CRIP2: variants seen among roughly 807,000 people sequenced by gnomAD.
CRIP2 encodes cysteine rich protein 2.
Under a neutral mutation model 31.3 loss-of-function variants are expected in CRIP2, and 31 were observed. That is an observed-to-expected ratio of 0.99 (90% confidence interval 0.74 to 1.34). CRIP2 has a LOEUF of 1.34. Among genes scored for constraint, CRIP2 ranks in the 40% most tolerant of loss-of-function variants. CRIP2 has a pLI of 0.00. For synonymous variants in CRIP2, 177 were observed against 127.2 expected (o/e 1.39, Z -2.63); for missense variants, 389 against 301.6 (o/e 1.29, Z -2.15).
chr14:105,479,088 C>G (rs782416073), intron 5 of CRIP2, 37 bp from the exon 6 acceptor site: 1 of 1,596,772 alleles, frequency 6.3e-7, no homozygotes, highest in Non-Finnish European at 8.5e-7. Context: ...CCCCCGCCCC[C>G]GCCCCGGGGC....
chr14:105,473,360 T>A, upstream of CRIP2: 1 of 1,535,252 alleles, frequency 6.5e-7, no homozygotes, highest in South Asian at 1.2e-5. Context: ...TGGCCTGCTG[T>A]CACCATGGAA....
intron 1 of CRIP2, chr14:105,477,666 G>GTGTGTGTGGGGA (rs1555436096): frequency 2.1e-5 from 13 of 624,402 alleles, no homozygotes; most frequent in Non-Finnish European, 2.2e-5. Context: ...TGTGTGGGGG[G>GTGTGTGTGGGGA]AGGCAGGTGT....
At chr14:105,473,418 CAG>C, upstream of CRIP2, 1 of 1,535,702 alleles carries the variant, frequency 6.5e-7, no homozygotes, top group Non-Finnish European at 8.7e-7. Context: ...GGTGCTGCCA[CAG>C]AGAGCCCAGC....
intron 6 of CRIP2, 65 bp downstream of exon 6, chr14:105,479,284 G>C: frequency 3.3e-6 from 5 of 1,524,700 alleles, no homozygotes; most frequent in Non-Finnish European, 3.6e-6. Flanking sequence ...ATGAGGGTGA[G>C]AGGCGCGCCT....
chr14:105,479,071 ACCCCCGCCCCCG>A (rs781950464), intron 5 of CRIP2, 24 bp downstream of exon 5: 12 of 1,519,440 alleles, frequency 7.9e-6, no homozygotes, highest in South Asian at 4.7e-5. Flanking sequence ...CGGGCCCCGG[ACCCCCGCCCCCG>A]CCCCCGCCCC....
At chr14:105,476,867 A>G in intron 1 of CRIP2, 1 of 706,548 alleles carries the variant, frequency 1.4e-6, no homozygotes, top group Non-Finnish European at 1.7e-6. Flanking sequence ...TACCAGGGCC[A>G]CGGAGAGCCA....
upstream of CRIP2, chr14:105,473,304 G>A (rs781891130): frequency 1.8e-4 from 272 of 1,529,810 alleles, no homozygotes; most frequent in Admixed American, 5.9e-4. Context: ...CAGAGGGGGA[G>A]CTGGTCAGGC....
At chr14:105,479,354 G>A in intron 6 of CRIP2, 82 bp from the exon 7 acceptor site, 2 of 1,588,918 alleles carry the variant, frequency 1.3e-6, no homozygotes, top group Non-Finnish European at 8.6e-7. Flanking sequence ...ACGGCGAGCC[G>A]GCCTGCACGT....
chr14:105,477,119 T>TC (rs1367085949), intron 1 of CRIP2: 1 of 316,634 alleles, frequency 3.2e-6, no homozygotes, highest in Non-Finnish European at 4.6e-6. Context: ...GCATGCTCCC[T>TC]CCCCCCAGGG....
In CRIP2 at chr14:105,478,353, A is replaced by G; in HGVS notation, c.131A>G (p.His44Arg). ...RCSKTLTPGG[H>R]AEHDGKPFCH... ...AGCAAGACGCTGACGCCCGGGGGCC[A>G]CGCCGAGGTGAGCCCCACTGCGCGG... The change falls in exon 2 of 8, where the codon CAC (histidine) becomes CGC (arginine). Residue 44 changes from histidine (H) to arginine (R), a missense_variant. Transcript: ENST00000329146. The surrounding 1 kb of genome is among the most constrained non-coding windows in gnomAD (Gnocchi z 4.9). 6.4e-7 allele frequency: 1 copy of G among 1,563,852 alleles called. No individual in the cohort carries two copies. Among genetic ancestry groups the G allele is most frequent in the Non-Finnish European group, 8.6e-7 (1 of 1,158,184 alleles).
At position 105,479,650 on chromosome 14, in the gene CRIP2, C is replaced by G. The variant is rs782254966; in HGVS notation, c.624C>G (p.Pro208=). 12 of 1,611,880 alleles carry G rather than the reference C, an allele frequency of 7.4e-6. No individual in the cohort carries two copies. In the Admixed American group the frequency reaches 1.5e-4, roughly 20 times the overall value. ...GGGACCCCGAAGGCAAGGTCCAGCC[C>G]TAGGCTACAGCGGCTCTCATGATGT... The part of the protein sequence containing the change: ...YDRDPEGKVQ[P] Residue 208 remains proline (P), a synonymous_variant, in exon 8 of 8, where the codon CCC becomes CCG. Coordinates refer to ENST00000329146, the MANE Select transcript of CRIP2 (RefSeq NM_001312.4).
intron 1 of CRIP2, 130 bp downstream of exon 1, chr14:105,475,035 G>T: frequency 1.8e-6 from 2 of 1,106,920 alleles, no homozygotes; most frequent in Middle Eastern, 2.6e-4. Flanking sequence ...TGCGCGTCCC[G>T]GAGGCTGGCT....
At chr14:105,474,791 G>A, upstream of CRIP2, 6 of 1,222,518 alleles carry the variant, frequency 4.9e-6, no homozygotes, top group Non-Finnish European at 6.1e-6. This position sits in a 1 kb window ranked among gnomAD's most constrained non-coding sequence, Gnocchi z 5.1. Flanking sequence ...CCGGGCAGGC[G>A]GGGCTGGGCG....
chr14:105,474,741 G>T, upstream of CRIP2: 1 of 1,052,334 alleles, frequency 9.5e-7, no homozygotes, highest in Non-Finnish European at 1.1e-6. This position sits in a 1 kb window ranked among gnomAD's most constrained non-coding sequence, Gnocchi z 5.1. Context: ...GGGTTATCGA[G>T]GCCCCGCCCC....
chr14:105,476,804 T>G (rs1163946899), intron 1 of CRIP2: 5 of 978,982 alleles, frequency 5.1e-6, no homozygotes, highest in African/African-American at 3.5e-5. Context: ...TGGTGCAGCC[T>G]TGTGGTTGGG....
At chr14:105,476,990 G>T (rs782566755) in intron 1 of CRIP2, 5 of 180,820 alleles carry the variant, frequency 2.8e-5, no homozygotes, top group Admixed American at 6.5e-5. Flanking sequence ...GCCCCTCCCC[G>T]ATATCTGCCA....
rs782451196 is a variant in CRIP2, at chr14:105,479,124, G to C, written c.407-1G>C. Reference sequence around the variant, plus strand: ...TCGGCCTCACTCCTCCCCCTTTCCAGCTGAGAAGGTGACGTCTCTGGGCAA... The same window carrying C: ...TCGGCCTCACTCCTCCCCCTTTCCACCTGAGAAGGTGACGTCTCTGGGCAA... On this transcript the variant is annotated splice_acceptor_variant, in intron 5 of 7. Transcript: ENST00000329146. LOFTEE classifies it high-confidence loss of function. 1.2e-6 allele frequency: 2 copies of C among 1,611,486 alleles called. No individual in the cohort carries two copies. The highest frequency in any genetic ancestry group is 1.7e-6 in the Non-Finnish European group (2 of 1,179,364).
In CRIP2 at chr14:105,478,805, A is replaced by G; in HGVS notation, c.271A>G (p.Ile91Val). ...GGAGGGGCCGCAGGTCACCGGCCCCATCGAGGTCCCCGCGGCCCGAGCAGA... is the reference window on the plus strand; with the variant it reads ...GGAGGGGCCGCAGGTCACCGGCCCCGTCGAGGTCCCCGCGGCCCGAGCAGA... ...LAEGPQVTGP[I>V]EVPAARAEER... is the part of the protein sequence containing the mutation. Residue 91 changes from isoleucine (I) to valine (V), a missense_variant, in exon 4 of 8, where the codon ATC becomes GTC. Physicochemically the swap from Ile to Val is conservative, Grantham distance 29. Transcript: ENST00000329146. This position sits in a 1 kb window ranked among gnomAD's most constrained non-coding sequence, Gnocchi z 4.9. 7.0e-7 allele frequency: 1 copy of G among 1,429,008 alleles called. No homozygotes were observed. The highest frequency in any genetic ancestry group is 1.5e-5 in the South Asian group (1 of 67,030). 88.5% of individuals were successfully genotyped at this position (1,429,008 alleles called of 1,614,324 possible). A position where few individuals can be genotyped will look rare whatever the true frequency, so the allele number is the denominator to read the frequency against.
intron 6 of CRIP2, 84 bp from the exon 7 acceptor site, chr14:105,479,352 C>T (rs1436029234): frequency 6.3e-7 from 1 of 1,581,178 alleles, no homozygotes; most frequent in Non-Finnish European, 8.6e-7. Flanking sequence ...CCACGGCGAG[C>T]CGGCCTGCAC....
Sources: gnomAD v4.1 joint callset for allele counts on GRCh38, gnomAD v4.1.1 for gene constraint, Gnocchi (gnomAD v3.1) non-coding constraint, MANE v1.5 for transcripts, NCBI Gene and HGNC (gene_info 2026-07-23, HGNC 2026-07-21) for gene names.